NAV2: variants seen among roughly 807,000 people sequenced by gnomAD.
NAV2 encodes neuron navigator 2, also known as helicase, APC down-regulated 1.
NAV2 carries 54 observed loss-of-function variants against 223.2 expected under a neutral mutation model. The observed-to-expected ratio is 0.24, with a 90% confidence interval of 0.19 to 0.30. The LOEUF is 0.30. NAV2 is among the 10% of genes least tolerant of loss of function. NAV2 has a pLI of 1.00. For missense variants in NAV2, 2,806 were observed against 3,147.5 expected, an observed-to-expected ratio of 0.89 and a Z score of 2.60; for synonymous variants, 1,279 against 1,239.3, an observed-to-expected ratio of 1.03 and a Z score of -0.67.
chr11:19,965,005 G>A (rs1412083296), intron 10 of NAV2, among the ~76,000 whole-genome samples: 4 of 151,738 alleles, frequency 2.6e-5, no homozygotes, highest in African/African-American at 9.7e-5. Context: ...TTTTAGTAGA[G>A]ATGAGGCTTC....
chr11:19,994,592 C>G (rs1387378498), intron 11 of NAV2, among the ~76,000 whole-genome samples: 1 of 151,742 alleles, frequency 6.6e-6, no homozygotes, highest in Non-Finnish European at 1.5e-5. Flanking sequence ...AAAGGTCAGC[C>G]TAGCCATGAT....
chr11:19,552,512 C>G (rs2044722808), intron 1 of NAV2, among the ~76,000 whole-genome samples: 1 of 152,154 alleles, frequency 6.6e-6, no homozygotes, highest in Non-Finnish European at 1.5e-5. Context: ...ACTTTTCTCC[C>G]ATCCCACCCA....
intron 19 of NAV2, among the ~76,000 whole-genome samples, chr11:20,056,239 C>T (rs547146834): frequency 6.6e-6 from 1 of 152,340 alleles, no homozygotes; most frequent in South Asian, 2.1e-4. Flanking sequence ...CTTCTCCCTC[C>T]TGGACTTGGG....
intron 4 of NAV2, among the ~76,000 whole-genome samples, chr11:19,873,292 G>A (rs2062639821): frequency 6.6e-6 from 1 of 152,114 alleles, no homozygotes; most frequent in African/African-American, 2.4e-5. Flanking sequence ...CACAGGATCC[G>A]GTGGTGACCA....
intron 33 of NAV2, 60 bp downstream of exon 33, chr11:20,103,469 C>T: frequency 2.5e-6 from 4 of 1,577,668 alleles, no homozygotes; most frequent in Non-Finnish European, 3.5e-6. Context: ...GCTGATGGGG[C>T]ACTGTGCACA....
intron 1 of NAV2, among the ~76,000 whole-genome samples, chr11:19,626,866 C>T (rs1275153816): frequency 6.6e-6 from 1 of 152,186 alleles, no homozygotes; most frequent in African/African-American, 2.4e-5. Context: ...AGGAAAGTGA[C>T]TTAAGCTTCT....
intron 5 of NAV2, among the ~76,000 whole-genome samples, chr11:19,881,738 C>G (rs1347127716): frequency 6.6e-6 from 1 of 152,040 alleles, no homozygotes; most frequent in Non-Finnish European, 1.5e-5. Flanking sequence ...AGCACATGAA[C>G]AGGAAAGGGA....
intron 1 of NAV2, among the ~76,000 whole-genome samples, chr11:19,592,643 T>C (rs764105663): frequency 6.6e-6 from 1 of 152,146 alleles, no homozygotes; most frequent in Non-Finnish European, 1.5e-5. Flanking sequence ...TTATCTAATA[T>C]GTCTGAGTTT....
At chr11:20,108,053 A>G (rs768144461) in intron 36 of NAV2, among the ~76,000 whole-genome samples, 3 of 152,238 alleles carry the variant, frequency 2.0e-5, no homozygotes, top group Non-Finnish European at 4.4e-5. Flanking sequence ...GTTTGTTGCA[A>G]GGATGAAATG....
intron 1 of NAV2, among the ~76,000 whole-genome samples, chr11:19,396,558 C>G (rs1327797274): frequency 1.3e-5 from 2 of 152,186 alleles, no homozygotes; most frequent in Non-Finnish European, 2.9e-5. Flanking sequence ...TCTGTTGCAT[C>G]TCCAGAAGGA....
At chr11:19,940,175 G>T (rs1449589935) in intron 8 of NAV2, among the ~76,000 whole-genome samples, 1 of 152,026 alleles carries the variant, frequency 6.6e-6, no homozygotes, top group Non-Finnish European at 1.5e-5. Flanking sequence ...CTGTATGGAA[G>T]CACTGATTTA....
intron 1 of NAV2, among the ~76,000 whole-genome samples, chr11:19,550,253 C>T (rs529299614): frequency 3.4e-3 from 520 of 152,242 alleles, no homozygotes; most frequent in Middle Eastern, 0.014. Flanking sequence ...AATAAAATGG[C>T]CATATGAAGA....
chr11:19,704,775 G>A (rs909412597), intron 1 of NAV2, among the ~76,000 whole-genome samples: 7 of 152,112 alleles, frequency 4.6e-5, no homozygotes, highest in African/African-American at 1.7e-4. Context: ...CACTTGGGGA[G>A]GCCGAGGCGG....
Position 19,933,350 on chromosome 11 carries a change from C to T in NAV2, c.1106C>T (p.Ala369Val). 6.2e-7 allele frequency: 1 copy of T among 1,605,670 alleles called. No homozygotes were observed. Among genetic ancestry groups the T allele is most frequent in the Non-Finnish European group, 8.5e-7 (1 of 1,175,458 alleles). The change falls in exon 7 of 38, where the codon GCC (alanine) becomes GTC (valine). Residue 369 changes from alanine (A) to valine (V), a missense_variant. Coordinates refer to ENST00000349880, the MANE Select transcript of NAV2 (RefSeq NM_145117.5). The surrounding 1 kb of genome is among the most constrained non-coding windows in gnomAD (Gnocchi z 4.3). The part of the protein sequence containing the change: ...RSKSLSVKHS[A>V]TVSMLSVKPP... Reference sequence around the variant, plus strand: ...AAATCCCTCAGCGTGAAGCACAGTGCCACGGTATCCATGCTCTCGGTCAAG... The same window carrying T: ...AAATCCCTCAGCGTGAAGCACAGTGTCACGGTATCCATGCTCTCGGTCAAG...
chr11:19,734,494 C>G (rs2052096614), intron 1 of NAV2, among the ~76,000 whole-genome samples: 1 of 152,218 alleles, frequency 6.6e-6, no homozygotes, highest in Non-Finnish European at 1.5e-5. Context: ...TCTTTTCCTA[C>G]AACCGCTTCC....
At chr11:19,500,109 T>C (rs2042918715) in intron 1 of NAV2, among the ~76,000 whole-genome samples, 1 of 152,190 alleles carries the variant, frequency 6.6e-6, no homozygotes. Context: ...GGCCAAGTGA[T>C]ATGTCTTAGC....
upstream of NAV2, among the ~76,000 whole-genome samples, chr11:19,709,317 C>CA (rs994023032): frequency 2.4e-4 from 37 of 151,642 alleles, no homozygotes; most frequent in Non-Finnish European, 1.9e-4. Context: ...CCAAGGCGGG[C>CA]GAATCACGAG....
intron 1 of NAV2, among the ~76,000 whole-genome samples, chr11:19,661,643 A>C (rs964420230): frequency 2.0e-5 from 3 of 152,172 alleles, no homozygotes; most frequent in Non-Finnish European, 4.4e-5. Context: ...AGTATCCTTA[A>C]TGTGTGAAGG....
chr11:20,020,388 G>A (rs139598220), intron 11 of NAV2, among the ~76,000 whole-genome samples: 5 of 152,216 alleles, frequency 3.3e-5, no homozygotes, highest in African/African-American at 7.2e-5. Flanking sequence ...AGAAGCAAGC[G>A]TCAAAAATGA....
Sources: allele counts gnomAD v4.1 joint callset (sites outside exome capture counted in the v4.1 genomes callset), GRCh38; gene constraint gnomAD v4.1.1; non-coding constraint Gnocchi (gnomAD v3.1); transcripts MANE v1.5; gene names NCBI Gene and HGNC (gene_info 2026-07-23, HGNC 2026-07-21).